Variants in EPHA5 observed in about 807,000 individuals in gnomAD.
EPHA5 encodes the protein EPH receptor A5.
In EPHA5, 60 loss-of-function variants were observed where a neutral mutation model predicts 105.0. The observed-to-expected ratio is 0.57, with a 90% CI of 0.46 to 0.71. EPHA5 has a LOEUF of 0.71. EPHA5 is among the 30% of genes least tolerant of loss of function. EPHA5 has a pLI of 0.00. For synonymous variants in EPHA5, 513 were observed against 449.1 expected (o/e 1.14, Z -1.80); for missense variants, 1,218 against 1,274.7 (o/e 0.96, Z 0.68).
chr4:65,468,058 C>T (rs946976238), intron 5 of EPHA5, among the ~76,000 whole-genome samples: 2 of 152,146 alleles, frequency 1.3e-5, no homozygotes, highest in African/African-American at 4.8e-5. Context: ...TACTACTGGA[C>T]TTCCAACTTA....
intron 8 of EPHA5, among the ~76,000 whole-genome samples, chr4:65,383,520 T>A (rs1032314422): frequency 1.3e-5 from 2 of 151,902 alleles, no homozygotes; most frequent in Admixed American, 1.3e-4. Context: ...AAACACTATT[T>A]TTATCTTTGG....
At chr4:65,510,590 C>T (rs1010046074) in intron 3 of EPHA5, among the ~76,000 whole-genome samples, 12 of 152,062 alleles carry the variant, frequency 7.9e-5, no homozygotes, top group African/African-American at 2.7e-4. Flanking sequence ...AGGTTTTAAT[C>T]AGAATGTGTA....
At position 65,353,082 on chromosome 4, in the gene EPHA5, G is replaced by A; in HGVS notation, c.2195C>T (p.Thr732Ile). The A allele has an allele frequency of 1.3e-6, 2 of 1,561,030 alleles. No homozygotes were observed. Among genetic ancestry groups the A allele is most frequent in the South Asian group, 2.4e-5 (2 of 81,736 alleles). Residue 732 changes from threonine (T) to isoleucine (I), a missense_variant, in exon 12 of 17, where the codon ACA becomes ATA. By Grantham distance (89) the Thr-to-Ile change is moderately conservative. Transcript: ENST00000613740. ...TAAAGAGCCATTCTCCATATACTCT[G>A]TCACGATCATCACTGGTTTACCTGA... The part of the protein sequence containing the change: ...VTKSKPVMIV[T>I]EYMENGSLDT...
intron 8 of EPHA5, among the ~76,000 whole-genome samples, chr4:65,382,748 TCAAA>T (rs1719682633): frequency 1.3e-5 from 2 of 151,810 alleles, no homozygotes; most frequent in South Asian, 4.1e-4. Flanking sequence ...ATTGTGGAAC[TCAAA>T]CATCATTATT....
At chr4:65,407,061 C>T (rs1381661367) in intron 7 of EPHA5, among the ~76,000 whole-genome samples, 1 of 152,034 alleles carries the variant, frequency 6.6e-6, no homozygotes, top group Non-Finnish European at 1.5e-5. Flanking sequence ...GAATATGGTT[C>T]ATAGCATTTT....
chr4:65,347,130 G>A (rs1722296809), intron 14 of EPHA5, among the ~76,000 whole-genome samples: 1 of 152,122 alleles, frequency 6.6e-6, no homozygotes, highest in African/African-American at 2.4e-5. Flanking sequence ...CAACCCTGAA[G>A]GCATGAGAGA....
intron 3 of EPHA5, among the ~76,000 whole-genome samples, chr4:65,529,418 A>T (rs1397432210): frequency 2.0e-5 from 3 of 151,524 alleles, no homozygotes; most frequent in Non-Finnish European, 4.4e-5. Context: ...GTGCATACGT[A>T]TGCATATTAT....
intron 8 of EPHA5, among the ~76,000 whole-genome samples, chr4:65,392,509 T>G (rs765159084): frequency 3.3e-5 from 5 of 152,180 alleles, no homozygotes; most frequent in Non-Finnish European, 7.3e-5. Flanking sequence ...ATGTTATAGA[T>G]GCCAAATATA....
intron 3 of EPHA5, among the ~76,000 whole-genome samples, chr4:65,499,228 T>C (rs2149236762): frequency 6.6e-6 from 1 of 151,792 alleles, no homozygotes. Context: ...TCTCTACCTT[T>C]ATTTCTATCA....
chr4:65,484,645 A>C (rs776214787), intron 5 of EPHA5, among the ~76,000 whole-genome samples: 23 of 152,158 alleles, frequency 1.5e-4, no homozygotes, highest in Non-Finnish European at 2.9e-4. Flanking sequence ...CATGTTAATT[A>C]TTTGTAATTT....
intron 2 of EPHA5, among the ~76,000 whole-genome samples, chr4:65,642,827 A>C (rs1021524009): frequency 2.6e-5 from 4 of 152,050 alleles, no homozygotes; most frequent in East Asian, 1.9e-4. Context: ...TTGCATGTGT[A>C]CATGATATTA....
intron 1 of EPHA5, among the ~76,000 whole-genome samples, chr4:65,647,100 G>A (rs989930313): frequency 2.2e-4 from 33 of 151,834 alleles, no homozygotes; most frequent in Admixed American, 4.6e-4. Context: ...AGGCTGAGGC[G>A]GGTGGATCAT....
intron 3 of EPHA5, among the ~76,000 whole-genome samples, chr4:65,561,842 G>T (rs1190685187): frequency 6.6e-6 from 1 of 151,996 alleles, no homozygotes; most frequent in Non-Finnish European, 1.5e-5. Context: ...TGATATACCA[G>T]AAAATTGAAT....
chr4:65,339,754 C>G (rs1721528340), intron 14 of EPHA5, among the ~76,000 whole-genome samples: 2 of 152,014 alleles, frequency 1.3e-5, no homozygotes, highest in Admixed American at 1.3e-4. Context: ...ACAACCTTGG[C>G]CAGGACACCA....
intron 8 of EPHA5, among the ~76,000 whole-genome samples, chr4:65,398,307 C>A (rs1578014744): frequency 1.3e-5 from 2 of 152,158 alleles, no homozygotes; most frequent in African/African-American, 4.8e-5. Flanking sequence ...AGTCCCCTGT[C>A]ACCTTGGCTC....
chr4:65,604,393 A>G (rs79231129), intron 2 of EPHA5, among the ~76,000 whole-genome samples: 3,365 of 152,242 alleles, frequency 0.022, 128 homozygotes, highest in African/African-American at 0.075. Flanking sequence ...GGAAACTATA[A>G]TTTTCTTTGA....
intron 3 of EPHA5, among the ~76,000 whole-genome samples, chr4:65,553,831 T>A (rs1012170109): frequency 6.6e-6 from 1 of 152,078 alleles, no homozygotes; most frequent in Admixed American, 6.6e-5. Context: ...TTTAAATAAC[T>A]TATTTTTCCA....
chr4:65,495,223 A>C (rs1386043995), intron 4 of EPHA5, among the ~76,000 whole-genome samples, 165 bp downstream of exon 4: 1 of 152,188 alleles, frequency 6.6e-6, no homozygotes, highest in Non-Finnish European at 1.5e-5. Context: ...CAAATTTTTC[A>C]GTGCTTATTC....
intron 3 of EPHA5, among the ~76,000 whole-genome samples, chr4:65,595,582 T>TTTTA (rs71709522): frequency 2.7e-4 from 23 of 85,858 alleles, no homozygotes; most frequent in Non-Finnish European, 4.6e-4. Flanking sequence ...TCTCACAAGA[T>TTTTA]TTTTTTTTTT....
Sources: gnomAD v4.1 joint callset for allele counts (sites outside exome capture counted in the v4.1 genomes callset) on GRCh38, gnomAD v4.1.1 for gene constraint, MANE v1.5 for transcripts, NCBI Gene and HGNC (gene_info 2026-07-23, HGNC 2026-07-21) for gene names.